The following PHIP variants were observed in gnomAD, a reference collection of about 807,000 sequenced individuals.
PHIP encodes the protein PHIP subunit of CUL4-Ring ligase complex.
In PHIP, 54 loss-of-function variants were observed where a neutral mutation model predicts 236.8. The observed-to-expected ratio is 0.23, with a 90% CI of 0.18 to 0.29. The LOEUF is 0.29. PHIP is among the 10% of genes least tolerant of loss of function. PHIP has a pLI of 1.00. For missense variants in PHIP, 1,370 were observed against 2,190.8 expected, an observed-to-expected ratio of 0.63 and a Z score of 7.48; for synonymous variants, 756 against 718.9, an observed-to-expected ratio of 1.05 and a Z score of -0.83.
At chr6:78,966,406 G>A (rs1220736929) in intron 27 of PHIP, among the ~76,000 whole-genome samples, 1 of 152,084 alleles carries the variant, frequency 6.6e-6, no homozygotes, top group Non-Finnish European at 1.5e-5. Context: ...ATTGCGGCAA[G>A]TTCCACTCAA....
intron 4 of PHIP, among the ~76,000 whole-genome samples, chr6:79,065,767 CACACACA>C (rs1773591824): frequency 1.8e-5 from 1 of 54,958 alleles, no homozygotes; most frequent in African/African-American, 6.4e-5. Flanking sequence ...AACTATACCA[CACACACA>C]CACACACACA....
intron 29 of PHIP, among the ~76,000 whole-genome samples, chr6:78,964,085 C>T (rs1480921189): frequency 1.3e-5 from 2 of 152,170 alleles, no homozygotes; most frequent in Admixed American, 1.3e-4. Context: ...ATATTCACAA[C>T]AGTTCAATGT....
chr6:79,073,232 C>T (rs1403341901), intron 4 of PHIP, among the ~76,000 whole-genome samples: 1 of 152,162 alleles, frequency 6.6e-6, no homozygotes, highest in Non-Finnish European at 1.5e-5. Context: ...TAGAATAATT[C>T]TATATGTAAG....
intron 24 of PHIP, among the ~76,000 whole-genome samples, chr6:78,972,655 A>G (rs1314675813): frequency 6.6e-6 from 1 of 152,234 alleles, no homozygotes; most frequent in Non-Finnish European, 1.5e-5. Flanking sequence ...ATGTGTAACT[A>G]GAATAATCAA....
At chr6:78,954,432 T>C (rs779469607) in intron 35 of PHIP, among the ~76,000 whole-genome samples, 12 of 152,120 alleles carry the variant, frequency 7.9e-5, no homozygotes. Context: ...ATATTCTCTT[T>C]ACATCTCCAT....
chr6:79,076,712 A>C (rs1456066875), intron 4 of PHIP, among the ~76,000 whole-genome samples: 2 of 152,188 alleles, frequency 1.3e-5, no homozygotes, highest in East Asian at 3.8e-4. Context: ...GTGTACTCCA[A>C]TAATAATTTT....
At chr6:79,016,497 C>G (rs777114379) in intron 13 of PHIP, 47 bp downstream of exon 13, 2 of 1,220,608 alleles carry the variant, frequency 1.6e-6, no homozygotes, top group Non-Finnish European at 2.4e-6. Flanking sequence ...CTATAACATA[C>G]TTTAAAAAAT....
At position 79,078,129 on chromosome 6, in the gene PHIP, G is replaced by T; in HGVS notation, c.-61C>A. Reference sequence around the variant, plus strand: ...CCCGCCGCCGAGGGGAAGCGGGGACGGTGCCGCCGCCTGCCCTATAGCTGT... The same window carrying T: ...CCCGCCGCCGAGGGGAAGCGGGGACTGTGCCGCCGCCTGCCCTATAGCTGT... On this transcript the variant is annotated 5_prime_UTR_variant, in exon 1 of 40. Transcript: ENST00000275034. The T allele has an allele frequency of 6.4e-7, 1 of 1,554,032 alleles. No homozygotes were observed. Among genetic ancestry groups the T allele is most frequent in the Non-Finnish European group, 8.8e-7 (1 of 1,133,340 alleles).
At chr6:78,961,608 G>T in intron 31 of PHIP, 82 bp downstream of exon 31, 1 of 1,419,418 alleles carries the variant, frequency 7.0e-7, no homozygotes, top group Non-Finnish European at 9.8e-7. Context: ...ACAAAAAGTT[G>T]AGAAACACTG....
In PHIP at chr6:78,938,467, C is replaced by T. The variant is rs1001670468; in HGVS notation, c.*2226G>A. Reference sequence around the variant, plus strand: ...TTTTTTACAAAAATTGATTTTATAGCCTATTATTTTTTTCTTAACACAATG... The same window carrying T: ...TTTTTTACAAAAATTGATTTTATAGTCTATTATTTTTTTCTTAACACAATG... On this transcript the variant is annotated 3_prime_UTR_variant, in exon 40 of 40. Coordinates refer to ENST00000275034, the MANE Select transcript of PHIP (RefSeq NM_017934.7). The T allele has an allele frequency of 1.3e-5, 2 of 151,436 alleles. No individual in the cohort carries two copies. The highest frequency in any genetic ancestry group is 4.8e-5 in the African/African-American group (2 of 41,336). 9.4% of individuals were successfully genotyped at this position (151,436 alleles called of 1,614,324 possible).
At chr6:78,973,595 C>G (rs7746653) in intron 24 of PHIP, among the ~76,000 whole-genome samples, 51,438 of 52,342 alleles carry the variant, frequency 0.98, 25,345 homozygotes, top group East Asian at 1. Context: ...ATTGGATAAA[C>G]AGTCAAGACC....
In PHIP at chr6:78,963,175, C is replaced by T. The variant is rs1381014709; in HGVS notation, c.3457G>A (p.Asp1153Asn). 3.1e-6 allele frequency: 5 copies of T among 1,611,634 alleles called. No individual in the cohort carries two copies. Among genetic ancestry groups the T allele is most frequent in the Non-Finnish European group, 4.2e-6 (5 of 1,178,912 alleles). ...CTGGGATTGGTACCCCATTCTCCATCAAGAGGTTTATAGATTAGTGATCTG... is the reference window on the plus strand; with the variant it reads ...CTGGGATTGGTACCCCATTCTCCATTAAGAGGTTTATAGATTAGTGATCTG... ...ECRSLIYKPL[D>N]GEWGTNPRDE... is the part of the protein sequence containing the mutation. Residue 1153 changes from aspartate to asparagine, a missense_variant, in exon 30 of 40, where the codon GAT (aspartate) becomes AAT (asparagine). This residue lies in a region of PHIP where 238 missense variants were observed against 398.5 expected (regional missense o/e 0.60). Transcript: ENST00000275034.
At chr6:78,949,118 A>C (rs1773994192) in intron 35 of PHIP, among the ~76,000 whole-genome samples, 1 of 152,170 alleles carries the variant, frequency 6.6e-6, no homozygotes, top group African/African-American at 2.4e-5. Flanking sequence ...TATTAGCTGT[A>C]GATGTACTTT....
intron 9 of PHIP, among the ~76,000 whole-genome samples, chr6:79,025,011 C>T (rs1230582051): frequency 2.0e-5 from 3 of 152,056 alleles, no homozygotes; most frequent in African/African-American, 7.2e-5. Flanking sequence ...TGGGCGACCG[C>T]ACAAATGCAA....
At chr6:78,998,123 A>T (rs749140033) in intron 18 of PHIP, 131 bp downstream of exon 18, 29 of 648,864 alleles carry the variant, frequency 4.5e-5, no homozygotes, top group Non-Finnish European at 7.7e-5. Flanking sequence ...CTTCAAAACC[A>T]TGATCATTTT....
At position 79,065,766 on chromosome 6, in the gene PHIP, A is replaced by C. The variant is rs1317794591; in HGVS notation, c.190-4948T>G. ...GAATCTTTTTGCTCTTAACTATACC[A>C]CACACACACACACACACACACACAC... On this transcript the variant is annotated intron_variant, in intron 4 of 39. Transcript: ENST00000275034. Among the ~76,000 whole-genome samples, 8 of 53,948 alleles carry C rather than the reference A, an allele frequency of 1.5e-4. No individual in the cohort carries two copies. In the East Asian group the frequency reaches 1.6e-3, roughly 11 times the overall value. 35.4% of individuals were successfully genotyped at this position (53,948 alleles called of 152,430 possible).
At chr6:79,077,360 G>A (rs1028097180) in intron 4 of PHIP, 88 bp downstream of exon 4, 4 of 1,267,792 alleles carry the variant, frequency 3.2e-6, no homozygotes, top group African/African-American at 3.0e-5. Flanking sequence ...CTAGGGCCAA[G>A]TTTTTGTCTC....
intron 4 of PHIP, among the ~76,000 whole-genome samples, chr6:79,075,872 T>A (rs1774132064): frequency 6.6e-6 from 1 of 152,132 alleles, no homozygotes; most frequent in Non-Finnish European, 1.5e-5. Flanking sequence ...AGTATTATAA[T>A]CTTTGCGATA....
At chr6:79,076,927 G>A (rs1245833235) in intron 4 of PHIP, among the ~76,000 whole-genome samples, 4 of 152,214 alleles carry the variant, frequency 2.6e-5, no homozygotes, top group Admixed American at 6.5e-5. Flanking sequence ...GACAGAGGGG[G>A]AAAAAATAAT....
Sources: gnomAD v4.1 joint callset for allele counts (sites outside exome capture counted in the v4.1 genomes callset) on GRCh38, gnomAD v4.1.1 for gene constraint, gnomAD v4.1.1 regional missense constraint, MANE v1.5 for transcripts, NCBI Gene and HGNC (gene_info 2026-07-23, HGNC 2026-07-21) for gene names.